Variants in DIP2C observed in about 807,000 individuals in gnomAD.
DIP2C encodes DIP2 acetate--CoA ligase C (putative).
Under a neutral mutation model 192.4 loss-of-function variants are expected in DIP2C, and 33 were observed. The ratio of observed to expected loss-of-function variants is 0.17; its 90% CI spans 0.13 to 0.23. The LOEUF is 0.23. DIP2C is among the 10% of genes least tolerant of loss of function. The pLI is 1.00. For synonymous variants in DIP2C, 979 were observed against 864.1 expected (o/e 1.13, Z -2.33); for missense variants, 1,537 against 2,110.1 (o/e 0.73, Z 5.32).
chr10:310,071 T>C lies in DIP2C; in HGVS notation c.3946A>G (p.Thr1316Ala). Residue 1316 changes from threonine (T) to alanine (A), a missense_variant, in exon 32 of 37, where the codon ACC (threonine) becomes GCC (alanine). By Grantham distance (58) the Thr-to-Ala change is moderately conservative. Around this residue, in one of 4 missense-constraint regions of DIP2C, gnomAD observed 341 missense variants for 551.7 expected, o/e 0.62. Coordinates refer to ENST00000280886, the MANE Select transcript of DIP2C (RefSeq NM_014974.3). Reference sequence around the variant, plus strand: ...GCTCTCATGTCCACGTAGACAGTGGTTGGGTCAGGTCCTGAGGTTCCCTGC... The same window carrying C: ...GCTCTCATGTCCACGTAGACAGTGGCTGGGTCAGGTCCTGAGGTTCCCTGC... ...CLQGTSGPDPTTVYVDMRALR... is the reference protein window; with the variant it reads ...CLQGTSGPDPATVYVDMRALR... 1 of 1,614,118 alleles carries C rather than the reference T, an allele frequency of 6.2e-7. No individual in the cohort carries two copies. Among genetic ancestry groups the C allele is most frequent in the Non-Finnish European group, 8.5e-7 (1 of 1,180,008 alleles).
chr10:568,765 C>CAAAAAA (rs1206501677), intron 1 of DIP2C, among the ~76,000 whole-genome samples: 1,058 of 37,862 alleles, frequency 0.028, 326 homozygotes, highest in South Asian at 0.063. Context: ...AACTCCGTCT[C>CAAAAAA]AAAAAAAAAA....
chr10:621,148 C>T (rs961239722), intron 1 of DIP2C, among the ~76,000 whole-genome samples: 1 of 152,322 alleles, frequency 6.6e-6, no homozygotes, highest in Non-Finnish European at 1.5e-5. Flanking sequence ...AACACAGGCA[C>T]AGGGCCGCCC....
intron 32 of DIP2C, among the ~76,000 whole-genome samples, chr10:292,206 T>G (rs892046291): frequency 6.6e-6 from 1 of 152,218 alleles, no homozygotes; most frequent in African/African-American, 2.4e-5. Context: ...CAACGTGCAT[T>G]ACTGCTGCCC....
Position 689,598 on chromosome 10 carries a change from C to T in DIP2C, c.-20G>A, listed in dbSNP as rs1452588960. ...CGCCATGCTCCGCGGGCGCCGCGCC[C>T]CGCACGGCCTCCTCTTTGTTCGCAG... On this transcript the variant is annotated 5_prime_UTR_variant, in exon 1 of 37. Coordinates refer to ENST00000280886, the MANE Select transcript of DIP2C (RefSeq NM_014974.3). This position sits in a 1 kb window ranked among gnomAD's most constrained non-coding sequence, Gnocchi z 6.1. 2 of 1,134,986 alleles carry T rather than the reference C, an allele frequency of 1.8e-6. No homozygotes were observed. Among genetic ancestry groups the T allele is most frequent in the South Asian group, 2.9e-5 (1 of 34,366 alleles). The allele number at this position is 1,134,986 out of a possible 1,614,324, so 70.3% of individuals were successfully genotyped here. A position where few individuals can be genotyped will look rare whatever the true frequency, so the allele number is the denominator to read the frequency against.
chr10:592,922 C>T (rs1479802074), intron 1 of DIP2C, among the ~76,000 whole-genome samples: 1 of 152,142 alleles, frequency 6.6e-6, no homozygotes. Flanking sequence ...TGCAAAATGG[C>T]ATTTTTGGTT....
Position 463,401 on chromosome 10 carries a change from A to G in DIP2C, c.268+9038T>C, listed in dbSNP as rs574394123. 1.1e-4 allele frequency among the ~76,000 whole-genome samples: 17 copies of G among 152,302 alleles called. No individual in the cohort carries two copies. In the East Asian group the frequency reaches 3.1e-3, roughly 28 times the overall value. ...TCATGAACTCCCATTCACAATTGCTACAAAGAGAATAAAATACCTAGGAAT... is the reference window on the plus strand; with the variant it reads ...TCATGAACTCCCATTCACAATTGCTGCAAAGAGAATAAAATACCTAGGAAT... On this transcript the variant is annotated intron_variant, in intron 3 of 36. Transcript: ENST00000280886.
intron 16 of DIP2C, among the ~76,000 whole-genome samples, chr10:383,219 C>T (rs547823388): frequency 1.3e-5 from 2 of 152,132 alleles, no homozygotes; most frequent in African/African-American, 4.8e-5. Flanking sequence ...GGGTTAAAAC[C>T]AATTGTTCAT....
intron 1 of DIP2C, among the ~76,000 whole-genome samples, chr10:514,272 C>G (rs147761123): frequency 6.6e-6 from 1 of 152,092 alleles, no homozygotes; most frequent in African/African-American, 2.4e-5. Context: ...ACTCAGTTCT[C>G]GTTCAATACG....
chr10:683,958 G>A (rs1314171980), intron 1 of DIP2C, among the ~76,000 whole-genome samples: 1 of 152,262 alleles, frequency 6.6e-6, no homozygotes, highest in Non-Finnish European at 1.5e-5. Context: ...AGTCCAGTGT[G>A]AGGCAGAACA....
chr10:422,458 G>A (rs1966259156), intron 5 of DIP2C, among the ~76,000 whole-genome samples: 1 of 152,218 alleles, frequency 6.6e-6, no homozygotes, highest in South Asian at 2.1e-4. Flanking sequence ...TCAAGCAGCT[G>A]TGGTTAAAGC....
intron 4 of DIP2C, among the ~76,000 whole-genome samples, chr10:425,726 T>C (rs1361483543): frequency 6.6e-6 from 1 of 151,834 alleles, no homozygotes; most frequent in Non-Finnish European, 1.5e-5. Context: ...GGAATTCAGG[T>C]TAACATTCAA....
chr10:298,538 A>T (rs1365084723), intron 32 of DIP2C, among the ~76,000 whole-genome samples: 1 of 152,090 alleles, frequency 6.6e-6, no homozygotes, highest in East Asian at 1.9e-4. Context: ...GGCTTTTGAG[A>T]TGCGACACTG....
intron 1 of DIP2C, among the ~76,000 whole-genome samples, chr10:554,115 G>A (rs1848724340): frequency 6.6e-6 from 1 of 151,860 alleles, no homozygotes; most frequent in African/African-American, 2.4e-5. Flanking sequence ...TGGCGAACAG[G>A]CAGGAAATAT....
At chr10:349,917 C>T (rs1420371947) in intron 24 of DIP2C, among the ~76,000 whole-genome samples, 1 of 152,106 alleles carries the variant, frequency 6.6e-6, no homozygotes, top group East Asian at 1.9e-4. Flanking sequence ...AAAACAAAAG[C>T]AAAATAAACA....
intron 24 of DIP2C, among the ~76,000 whole-genome samples, chr10:353,164 G>A (rs7902669): frequency 0.18 from 9,923 of 55,946 alleles, 473 homozygotes; most frequent in South Asian, 0.39. Flanking sequence ...CAGCATGACC[G>A]GAGGGGCACA....
At chr10:414,304 A>C (rs1320901894) in intron 7 of DIP2C, among the ~76,000 whole-genome samples, 194 bp from the exon 8 acceptor site, 5 of 152,130 alleles carry the variant, frequency 3.3e-5, no homozygotes, top group Admixed American at 2.6e-4. Flanking sequence ...AGTTCTTGTA[A>C]TTTCCAAGGC....
intron 1 of DIP2C, among the ~76,000 whole-genome samples, chr10:510,174 G>A (rs1472559643): frequency 6.6e-6 from 1 of 152,220 alleles, no homozygotes; most frequent in African/African-American, 2.4e-5. Flanking sequence ...GGTCCTGGGG[G>A]CTACCCCACT....
intron 1 of DIP2C, 32 bp from the exon 2 acceptor site, chr10:486,562 G>A: frequency 6.3e-7 from 1 of 1,575,216 alleles, no homozygotes; most frequent in South Asian, 1.2e-5. Flanking sequence ...GTTCAGTATG[G>A]TCTCCGTGGA....
chr10:660,972 C>T (rs1233235095), intron 1 of DIP2C, among the ~76,000 whole-genome samples: 1 of 152,222 alleles, frequency 6.6e-6, no homozygotes, highest in Non-Finnish European at 1.5e-5. Flanking sequence ...CAAAAATATA[C>T]GAGGCATTTC....
Sources: allele counts gnomAD v4.1 joint callset (sites outside exome capture counted in the v4.1 genomes callset), GRCh38; gene constraint gnomAD v4.1.1; regional missense constraint gnomAD v4.1.1; non-coding constraint Gnocchi (gnomAD v3.1); transcripts MANE v1.5; gene names NCBI Gene and HGNC (gene_info 2026-07-23, HGNC 2026-07-21).